CDYL2: variants seen among roughly 807,000 people sequenced by gnomAD.
CDYL2 encodes the protein chromodomain Y-like protein 2.
CDYL2 carries 23 observed loss-of-function variants against 49.4 expected under a neutral mutation model. The observed-to-expected ratio is 0.47, with a 90% confidence interval of 0.34 to 0.66. The LOEUF is 0.66. CDYL2 is among the 30% of genes least tolerant of loss of function. The pLI is 0.01. For missense variants in CDYL2, 678 were observed against 656.4 expected (o/e 1.03, Z -0.36); for synonymous variants, 360 against 268.8 (o/e 1.34, Z -3.32).
At chr16:80,641,133 A>T (rs886427602) in intron 2 of CDYL2, among the ~76,000 whole-genome samples, 1 of 152,190 alleles carries the variant, frequency 6.6e-6, no homozygotes, top group Non-Finnish European at 1.5e-5. Context: ...ATTTAACCCA[A>T]ATAAGGCTAT....
Position 80,651,459 on chromosome 16 carries a change from G to A in CDYL2, c.617-18223C>T, listed in dbSNP as rs560775449. On this transcript the variant is annotated intron_variant, in intron 2 of 6. Transcript: ENST00000570137. ...AGTGGAATAAGGGGAAGGTCAAATA[G>A]GTGAGGCATAGGAGACTTTTTAGGG... Among the ~76,000 whole-genome samples, 3 of 152,304 alleles carry A rather than the reference G, an allele frequency of 2.0e-5. No individual in the cohort carries two copies. The East Asian group carries it at 5.8e-4, about 29-fold the overall frequency.
At chr16:80,729,178 C>A (rs146456057) in intron 1 of CDYL2, among the ~76,000 whole-genome samples, 21 of 152,140 alleles carry the variant, frequency 1.4e-4, no homozygotes, top group African/African-American at 4.8e-4. Context: ...GAGTTAAGAC[C>A]CTTCAGTGTG....
intron 3 of CDYL2, among the ~76,000 whole-genome samples, chr16:80,623,175 CAG>C (rs1297120230): frequency 3.3e-5 from 5 of 151,830 alleles, no homozygotes; most frequent in Non-Finnish European, 7.4e-5. Flanking sequence ...GCCAGAAATG[CAG>C]AGTCTAAAGC....
intron 1 of CDYL2, among the ~76,000 whole-genome samples, chr16:80,731,573 G>A (rs1905327653): frequency 2.6e-5 from 4 of 152,172 alleles, no homozygotes; most frequent in African/African-American, 9.7e-5. Flanking sequence ...GGATTTCAAA[G>A]ATAAGACTGT....
intron 1 of CDYL2, among the ~76,000 whole-genome samples, chr16:80,745,109 C>G (rs1049568823): frequency 1.3e-5 from 2 of 152,156 alleles, no homozygotes; most frequent in Non-Finnish European, 2.9e-5. Context: ...ACCACTCCCC[C>G]ACGCTGGGGG....
chr16:80,598,932 A>G lies in CDYL2; in HGVS notation c.*5456T>C, dbSNP rs1905957588. ...TTGGTTCTCGGTTTTATGAAAGGCA[A>G]TATTGTCACAATCCTGTCAACATCG... On this transcript the variant is annotated 3_prime_UTR_variant, in exon 7 of 7. Transcript: ENST00000570137. The G allele has an allele frequency of 6.6e-6, 1 of 152,130 alleles. No individual in the cohort carries two copies. The highest frequency in any genetic ancestry group is 1.5e-5 in the Non-Finnish European group (1 of 68,036). The allele number at this position is 152,130 out of a possible 1,614,324, so 9.4% of individuals were successfully genotyped here.
intron 1 of CDYL2, among the ~76,000 whole-genome samples, chr16:80,754,928 G>T (rs1906257722): frequency 6.6e-6 from 1 of 152,126 alleles, no homozygotes; most frequent in African/African-American, 2.4e-5. Context: ...ATGCCCCCAT[G>T]ATTTACGAGG....
At chr16:80,607,270 G>T (rs1906379329) in intron 6 of CDYL2, among the ~76,000 whole-genome samples, 1 of 151,256 alleles carries the variant, frequency 6.6e-6, no homozygotes, top group Non-Finnish European at 1.5e-5. Flanking sequence ...CAGGGATGAG[G>T]CCCAGCAGGA....
At chr16:80,632,679 C>G (rs1422362441) in intron 3 of CDYL2, 1 of 285,678 alleles carries the variant, frequency 3.5e-6, no homozygotes, top group Non-Finnish European at 6.8e-6. Context: ...ACAAATATGA[C>G]ATGCTGATGA....
In CDYL2 at chr16:80,612,770, C is replaced by G; in HGVS notation, c.1074G>C (p.Leu358=). The change falls in exon 5 of 7, where the codon CTG becomes CTC. Residue 358 remains leucine, a synonymous_variant. Transcript: ENST00000570137. This position sits in a 1 kb window ranked among gnomAD's most constrained non-coding sequence, Gnocchi z 5.0. ...GGGGCAGGATGGAGGCACCCAGGCC[C>G]AGGGCCGGCCCATTGATGGCCACCA... is the stretch of plus-strand genomic sequence containing the variant. The part of the protein sequence containing the change: ...PIVVAINGPA[L]GLGASILPLC... 1 of 1,613,856 alleles carries G rather than the reference C, an allele frequency of 6.2e-7. No homozygotes were observed. The highest frequency in any genetic ancestry group is 1.1e-5 in the South Asian group (1 of 91,068).
At chr16:80,762,376 G>A (rs1211187151) in intron 1 of CDYL2, among the ~76,000 whole-genome samples, 1 of 152,114 alleles carries the variant, frequency 6.6e-6, no homozygotes, top group African/African-American at 2.4e-5. Context: ...GGCTTCAACG[G>A]GAGCAAACCA....
intron 2 of CDYL2, among the ~76,000 whole-genome samples, chr16:80,681,268 C>T (rs987648857): frequency 2.6e-5 from 4 of 152,080 alleles, no homozygotes; most frequent in African/African-American, 9.7e-5. Flanking sequence ...TAAGATGAGC[C>T]CTCCTTTGTG....
At chr16:80,702,913 C>G (rs1383528690) in intron 1 of CDYL2, among the ~76,000 whole-genome samples, 1 of 152,146 alleles carries the variant, frequency 6.6e-6, no homozygotes, top group Non-Finnish European at 1.5e-5. Flanking sequence ...ATCAACAGAG[C>G]TCACCCACAG....
intron 3 of CDYL2, chr16:80,628,480 T>A (rs1018979747): frequency 6.6e-6 from 1 of 152,258 alleles, no homozygotes; most frequent in African/African-American, 2.4e-5. Context: ...GTGGGTGAGC[T>A]TGGAAGTGAA....
intron 6 of CDYL2, 100 bp from the exon 7 acceptor site, chr16:80,604,646 C>T (rs1906252315): frequency 7.7e-7 from 1 of 1,291,050 alleles, no homozygotes; most frequent in South Asian, 1.3e-5. Context: ...CCCATACTCA[C>T]AGCCAGAGAA....
chr16:80,700,348 A>T (rs1366230029), intron 1 of CDYL2, among the ~76,000 whole-genome samples: 1 of 152,252 alleles, frequency 6.6e-6, no homozygotes, highest in Non-Finnish European at 1.5e-5. Context: ...TCACTAAACT[A>T]TAATTAAAAT....
intron 2 of CDYL2, among the ~76,000 whole-genome samples, chr16:80,642,341 GC>G (rs1908134298): frequency 6.6e-6 from 1 of 152,144 alleles, no homozygotes. Context: ...TACTTGGGAG[GC>G]TGAGTTGAGA....
intron 1 of CDYL2, among the ~76,000 whole-genome samples, chr16:80,702,071 T>C (rs1168964640): frequency 1.3e-5 from 2 of 151,916 alleles, no homozygotes; most frequent in Non-Finnish European, 2.9e-5. Context: ...ATTGGGGCAA[T>C]TATACAGGAA....
chr16:80,767,885 A>C (rs1428069712), intron 1 of CDYL2, among the ~76,000 whole-genome samples: 1 of 152,222 alleles, frequency 6.6e-6, no homozygotes, highest in Non-Finnish European at 1.5e-5. Context: ...GCAGTGTCAC[A>C]GTCTCGCCTC....
Sources: allele counts gnomAD v4.1 joint callset (sites outside exome capture counted in the v4.1 genomes callset), GRCh38; gene constraint gnomAD v4.1.1; non-coding constraint Gnocchi (gnomAD v3.1); transcripts MANE v1.5; gene names NCBI Gene and HGNC (gene_info 2026-07-23, HGNC 2026-07-21).